The following HERC1 variants were observed in gnomAD, a reference collection of about 807,000 sequenced individuals.
HERC1 encodes HECT and RLD domain containing E3 ubiquitin protein ligase family member 1, also known as probable E3 ubiquitin-protein ligase HERC1.
In HERC1, 160 loss-of-function variants were observed where a neutral mutation model predicts 554.3. The ratio of observed to expected loss-of-function variants is 0.29; its 90% CI spans 0.25 to 0.33. HERC1 has a LOEUF of 0.33. Among genes scored for constraint, HERC1 ranks in the 10% least tolerant of loss-of-function variants. HERC1 has a pLI of 1.00. For missense variants in HERC1, 4,919 were observed against 5,918.5 expected, an observed-to-expected ratio of 0.83 and a Z score of 5.54; for synonymous variants, 2,175 against 2,131.7, an observed-to-expected ratio of 1.02 and a Z score of -0.56.
At chr15:63,698,419 CA>C (rs57040637) in intron 26 of HERC1, among the ~76,000 whole-genome samples, 193 of 80,698 alleles carry the variant, frequency 2.4e-3, no homozygotes, top group Admixed American at 3.9e-3. Flanking sequence ...ACTCCGTCTC[CA>C]AAAAAAAAAA....
At chr15:63,802,598 TG>T (rs1230571461) in intron 1 of HERC1, among the ~76,000 whole-genome samples, 3 of 151,370 alleles carry the variant, frequency 2.0e-5, no homozygotes, top group African/African-American at 4.9e-5. Context: ...AAAAGCCAAT[TG>T]TTTTTTTTCC....
intron 1 of HERC1, among the ~76,000 whole-genome samples, chr15:63,777,175 C>A (rs1049647959): frequency 6.6e-6 from 1 of 152,138 alleles, no homozygotes; most frequent in African/African-American, 2.4e-5. Flanking sequence ...TCCCAGACTA[C>A]AGTAATTAAA....
At chr15:63,658,388 TTGAG>T (rs761019047) in intron 48 of HERC1, among the ~76,000 whole-genome samples, 152 bp downstream of exon 48, 3 of 152,246 alleles carry the variant, frequency 2.0e-5, no homozygotes, top group African/African-American at 4.8e-5. Flanking sequence ...GAATGACCGA[TTGAG>T]TGAATAACAA....
At chr15:63,688,379 T>A (rs1393490460) in intron 33 of HERC1, among the ~76,000 whole-genome samples, 2 of 152,126 alleles carry the variant, frequency 1.3e-5, no homozygotes, top group Admixed American at 1.3e-4. Context: ...TTTGACATAC[T>A]GAGTATGAGA....
chr15:63,672,182 G>GA (rs536817251), intron 39 of HERC1, among the ~76,000 whole-genome samples: 9 of 150,390 alleles, frequency 6.0e-5, no homozygotes, highest in South Asian at 2.1e-4. Flanking sequence ...ACTTTTTGAG[G>GA]AAAAAAAAAT....
intron 26 of HERC1, among the ~76,000 whole-genome samples, chr15:63,697,116 A>G (rs1309789397): frequency 1.3e-5 from 2 of 152,146 alleles, no homozygotes; most frequent in South Asian, 2.1e-4. Flanking sequence ...AACTAAACCT[A>G]AAGTAAAATA....
At chr15:63,713,822 A>C (rs945731559) in intron 22 of HERC1, 157 bp from the exon 23 acceptor site, 1 of 569,358 alleles carries the variant, frequency 1.8e-6, no homozygotes, top group Non-Finnish European at 3.1e-6. Context: ...AACTTAGTTA[A>C]AATTACATTT....
intron 3 of HERC1, among the ~76,000 whole-genome samples, chr15:63,763,101 A>G (rs2075663377): frequency 6.6e-6 from 1 of 152,350 alleles, no homozygotes; most frequent in Non-Finnish European, 1.5e-5. Context: ...CACAATAGCC[A>G]TGGCCCCCTG....
intron 12 of HERC1, among the ~76,000 whole-genome samples, chr15:63,738,529 C>T (rs2074645941): frequency 6.6e-6 from 1 of 152,004 alleles, no homozygotes; most frequent in Admixed American, 6.5e-5. Context: ...GCAATATTTC[C>T]TTAAGTCTAC....
rs375000040 is a variant in HERC1 at position 63,728,939 on chromosome 15, T to TAA, written c.3154+295_3154+296dup. Among the ~76,000 whole-genome samples the TAA allele has an allele frequency of 0.19, 28,010 of 144,600 alleles. 2,926 individuals carry two copies. Among genetic ancestry groups the TAA allele is most frequent in the Middle Eastern group, 0.26 (72 of 278 alleles). The allele number at this position is 144,600 out of a possible 152,430, so 94.9% of individuals were successfully genotyped here. On this transcript the variant is annotated intron_variant, in intron 16 of 77. Transcript: ENST00000443617. Reference sequence around the variant, plus strand: ...AGAAAGGTAAAGAAAGAGCAGGTTTTAAAAAAAAAAAAAAAGAGCAGATTA... The same window carrying TAA: ...AGAAAGGTAAAGAAAGAGCAGGTTTTAAAAAAAAAAAAAAAAAGAGCAGATTA...
At chr15:63,765,862 T>A (rs2075760034) in intron 2 of HERC1, among the ~76,000 whole-genome samples, 1 of 151,834 alleles carries the variant, frequency 6.6e-6, no homozygotes, top group African/African-American at 2.4e-5. Context: ...AAATAAACTT[T>A]ATTTTATTTT....
intron 1 of HERC1, among the ~76,000 whole-genome samples, chr15:63,788,364 A>C (rs1245389093): frequency 6.6e-6 from 1 of 152,244 alleles, no homozygotes. Flanking sequence ...TACCGAAATA[A>C]ATCAGTAATG....
intron 8 of HERC1, among the ~76,000 whole-genome samples, chr15:63,750,541 T>C (rs1025320832): frequency 3.3e-5 from 5 of 152,212 alleles, no homozygotes; most frequent in African/African-American, 9.6e-5. Flanking sequence ...ATTATATAGA[T>C]TCTTATCTTC....
Position 63,658,154 on chromosome 15 carries a change from A to G in HERC1, c.9599+390T>C, listed in dbSNP as rs149598534. On this transcript the variant is annotated intron_variant, in intron 48 of 77. Transcript: ENST00000443617. Reference sequence around the variant, plus strand: ...TTTCTGGTTCTCATCCCCTTTTTACATTACACTCCACAGTATCAACACGGC... The same window carrying G: ...TTTCTGGTTCTCATCCCCTTTTTACGTTACACTCCACAGTATCAACACGGC... Among the ~76,000 whole-genome samples, 4 of 152,156 alleles carry G rather than the reference A, an allele frequency of 2.6e-5. No homozygotes were observed. In the South Asian group the frequency reaches 6.2e-4, roughly 24 times the overall value.
rs1213255686 is a variant in HERC1, at chr15:63,756,293, T to C, written c.1533+144A>G. 7.8e-6 allele frequency: 5 copies of C among 642,246 alleles called. No homozygotes were observed. The highest frequency in any genetic ancestry group is 7.3e-5 in the African/African-American group (4 of 54,668). 39.8% of individuals were successfully genotyped at this position (642,246 alleles called of 1,614,324 possible). Reference sequence around the variant, plus strand: ...CAATAATGTATACAAAGGTGTTCTGTAAACTGTAAAGCAGAGATACAAAAG... The same window carrying C: ...CAATAATGTATACAAAGGTGTTCTGCAAACTGTAAAGCAGAGATACAAAAG... On this transcript the variant is annotated intron_variant, in intron 5 of 77. Coordinates refer to ENST00000443617, the MANE Select transcript of HERC1 (RefSeq NM_003922.4). This position sits in a 1 kb window ranked among gnomAD's most constrained non-coding sequence, Gnocchi z 5.0.
intron 2 of HERC1, among the ~76,000 whole-genome samples, chr15:63,766,045 T>C (rs2075766012): frequency 6.6e-6 from 1 of 152,010 alleles, no homozygotes; most frequent in Admixed American, 6.6e-5. Context: ...TCTCAGATAG[T>C]TTTTGGTTTA....
chr15:63,812,903 A>G (rs2077375083), intron 1 of HERC1, among the ~76,000 whole-genome samples: 1 of 152,208 alleles, frequency 6.6e-6, no homozygotes, highest in Non-Finnish European at 1.5e-5. Context: ...TGTCCCCCAA[A>G]TTGATCTATA....
chr15:63,698,419 CAAAA>C (rs57040637), intron 26 of HERC1, among the ~76,000 whole-genome samples: 3 of 80,688 alleles, frequency 3.7e-5, no homozygotes, highest in Non-Finnish European at 2.5e-5. Context: ...ACTCCGTCTC[CAAAA>C]AAAAAAAAAA....
At chr15:63,681,573 T>A (rs764629539) in intron 34 of HERC1, among the ~76,000 whole-genome samples, 5 of 151,848 alleles carry the variant, frequency 3.3e-5, no homozygotes, top group Non-Finnish European at 7.4e-5. Context: ...ACTGGTAAAG[T>A]TTCTTACACT....
Sources: gnomAD v4.1 joint callset for allele counts (sites outside exome capture counted in the v4.1 genomes callset) on GRCh38, gnomAD v4.1.1 for gene constraint, Gnocchi (gnomAD v3.1) non-coding constraint, MANE v1.5 for transcripts, NCBI Gene and HGNC (gene_info 2026-07-23, HGNC 2026-07-21) for gene names.